CNGB3: variants seen among roughly 807,000 people sequenced by gnomAD.
CNGB3 encodes cyclic nucleotide-gated channel beta-3.
A neutral mutation model predicts 92.8 loss-of-function variants in CNGB3; 86 were observed. The observed-to-expected ratio is 0.93, with a 90% CI of 0.78 to 1.11. CNGB3 has a LOEUF of 1.11. Ranked by LOEUF, CNGB3 falls within the 50% of genes least tolerant of loss-of-function variation. The pLI, the probability that CNGB3 is intolerant of heterozygous loss-of-function variation, is 0.00. For synonymous variants in CNGB3, 333 were observed against 332.7 expected, an observed-to-expected ratio of 1.00 and a Z score of -0.01; for missense variants, 1,026 against 956.8, an observed-to-expected ratio of 1.07 and a Z score of -0.95.
intron 3 of CNGB3, among the ~76,000 whole-genome samples, chr8:86,699,864 G>A (rs187540800): frequency 1.3e-5 from 2 of 152,070 alleles, no homozygotes; most frequent in East Asian, 3.9e-4. Flanking sequence ...AGAGACAATT[G>A]GAATCTAAAA....
chr8:86,593,249 T>G (rs1052954380), intron 15 of CNGB3, among the ~76,000 whole-genome samples: 2 of 152,216 alleles, frequency 1.3e-5, no homozygotes, highest in Admixed American at 1.3e-4. Flanking sequence ...GGGTATAACT[T>G]CTAAGGAAGG....
At chr8:86,651,191 G>T (rs1823396565) in intron 7 of CNGB3, among the ~76,000 whole-genome samples, 1 of 151,490 alleles carries the variant, frequency 6.6e-6, no homozygotes, top group Non-Finnish European at 1.5e-5. Context: ...CAAAAAAACT[G>T]CATACTGGAT....
intron 3 of CNGB3, among the ~76,000 whole-genome samples, chr8:86,700,260 A>G (rs538021816): frequency 6.6e-6 from 1 of 152,228 alleles, no homozygotes; most frequent in East Asian, 1.9e-4. Flanking sequence ...ACTCAGCTCT[A>G]TCTGAGGCAT....
intron 3 of CNGB3, among the ~76,000 whole-genome samples, chr8:86,690,568 TC>T (rs1436763978): frequency 5.3e-5 from 8 of 152,248 alleles, no homozygotes; most frequent in Non-Finnish European, 1.2e-4. Flanking sequence ...TTTACTTAGA[TC>T]CCATTTGTCA....
At chr8:86,673,457 T>C (rs1286376171) in intron 3 of CNGB3, among the ~76,000 whole-genome samples, 2 of 150,882 alleles carry the variant, frequency 1.3e-5, no homozygotes, top group Non-Finnish European at 3.0e-5. Context: ...GTGGCAGGAG[T>C]GATGGTGGTT....
At chr8:86,693,897 T>TC (rs1206392835) in intron 3 of CNGB3, among the ~76,000 whole-genome samples, 1 of 149,660 alleles carries the variant, frequency 6.7e-6, no homozygotes, top group Non-Finnish European at 1.5e-5. Flanking sequence ...TCCCCACCCT[T>TC]CCCCCCCTCT....
chr8:86,645,861 T>G (rs1823284496), intron 8 of CNGB3, among the ~76,000 whole-genome samples: 1 of 151,190 alleles, frequency 6.6e-6, no homozygotes, highest in African/African-American at 2.4e-5. Flanking sequence ...ATTCATTTGT[T>G]TTCTCATTTA....
At chr8:86,581,872 C>G (rs919394226) in intron 15 of CNGB3, among the ~76,000 whole-genome samples, 1 of 152,092 alleles carries the variant, frequency 6.6e-6, no homozygotes, top group Non-Finnish European at 1.5e-5. Context: ...GAATTTGAAG[C>G]CTCTGGCACC....
chr8:86,637,515 G>A (rs71525062), intron 10 of CNGB3, among the ~76,000 whole-genome samples: 1,554 of 151,904 alleles, frequency 0.01, 21 homozygotes, highest in South Asian at 0.016. Context: ...ATTTTGATAG[G>A]GATTGCATTG....
At position 86,663,657 on chromosome 8, in the gene CNGB3, T is replaced by C. The variant is rs577333144; in HGVS notation, c.852+3268A>G. 2.5e-4 allele frequency among the ~76,000 whole-genome samples: 38 copies of C among 152,356 alleles called. No homozygotes were observed. The South Asian group carries it at 5.8e-3, about 23-fold the overall frequency. ...ATGAATGATTCAGTGGTGTTACCAATGGTAGCATGGATAGCTAAATATGAG... is the reference window on the plus strand; with the variant it reads ...ATGAATGATTCAGTGGTGTTACCAACGGTAGCATGGATAGCTAAATATGAG... On this transcript the variant is annotated intron_variant, in intron 6 of 17. Coordinates refer to ENST00000320005, the MANE Select transcript of CNGB3 (RefSeq NM_019098.5).
intron 1 of CNGB3, among the ~76,000 whole-genome samples, chr8:86,740,176 T>C (rs926279308): frequency 1.3e-5 from 2 of 152,206 alleles, no homozygotes; most frequent in Admixed American, 6.5e-5. Flanking sequence ...TGCCGTTATG[T>C]CCCACTAGAC....
At chr8:86,708,030 A>G (rs1468898972) in intron 3 of CNGB3, 1 of 152,182 alleles carries the variant, frequency 6.6e-6, no homozygotes, top group Non-Finnish European at 1.5e-5. Context: ...GGACACATGC[A>G]TTTTGCCATA....
intron 6 of CNGB3, chr8:86,659,051 C>T (rs1270316712): frequency 3.2e-6 from 3 of 937,410 alleles, no homozygotes; most frequent in East Asian, 2.5e-5. Flanking sequence ...GCTGCTCCAC[C>T]TCAGAGGGCC....
intron 3 of CNGB3, among the ~76,000 whole-genome samples, chr8:86,693,421 T>C (rs1441183090): frequency 7.8e-6 from 1 of 128,626 alleles, no homozygotes; most frequent in Non-Finnish European, 1.6e-5. Flanking sequence ...TCATTTTTTT[T>C]TATTATTATT....
At chr8:86,627,391 T>C (rs992520945) in intron 12 of CNGB3, among the ~76,000 whole-genome samples, 17 of 152,094 alleles carry the variant, frequency 1.1e-4, no homozygotes, top group Non-Finnish European at 2.1e-4. Flanking sequence ...AGGCATGTTG[T>C]TTTGGTCATT....
In CNGB3 at chr8:86,601,461, G is replaced by A. The variant is rs189180506; in HGVS notation, c.1781+2632C>T. 2.7e-4 allele frequency among the ~76,000 whole-genome samples: 41 copies of A among 152,170 alleles called. No homozygotes were observed. The East Asian group carries it at 7.7e-3, about 29-fold the overall frequency. On this transcript the variant is annotated intron_variant, in intron 15 of 17. Coordinates refer to ENST00000320005, the MANE Select transcript of CNGB3 (RefSeq NM_019098.5). ...AGGCTATTAATCTATATTTTAGTCA[G>A]GGTTTTGCTCTTTTGGATTAATATA...
intron 3 of CNGB3, among the ~76,000 whole-genome samples, chr8:86,679,534 C>CT (rs59211727): frequency 6.0e-5 from 9 of 150,918 alleles, no homozygotes; most frequent in East Asian, 3.9e-4. Context: ...TTTTCTTTTT[C>CT]TTTTTTTTTG....
chr8:86,576,110 T>C lies in CNGB3; in HGVS notation c.2124A>G (p.Gly708=), dbSNP rs769689524. 5.4e-5 allele frequency: 87 copies of C among 1,604,462 alleles called. No homozygotes were observed. Among genetic ancestry groups the C allele is most frequent in the Non-Finnish European group, 7.2e-5 (85 of 1,178,316 alleles). ...CATTTTCTTTTCCTTCTTCCTCTCC[T>C]CCTTCAGAATTTTCTTTCTTCTGGA... ...QAAQKKENSE[G]GEEEGKENED... is the part of the protein sequence containing the mutation. The change falls in exon 18 of 18, where the codon GGA becomes GGG. Residue 708 remains glycine, a synonymous_variant. Coordinates refer to ENST00000320005, the MANE Select transcript of CNGB3 (RefSeq NM_019098.5).
intron 10 of CNGB3, among the ~76,000 whole-genome samples, chr8:86,635,857 TATATATACAC>T (rs1315476546): frequency 2.3e-3 from 178 of 77,276 alleles, no homozygotes; most frequent in African/African-American, 5.7e-3. Context: ...TATATATATA[TATATATACAC>T]ATACACATAT....
Sources: allele counts gnomAD v4.1 joint callset (sites outside exome capture counted in the v4.1 genomes callset), GRCh38; gene constraint gnomAD v4.1.1; transcripts MANE v1.5; gene names NCBI Gene and HGNC (gene_info 2026-07-23, HGNC 2026-07-21).